Variants in UNC80 observed in about 807,000 individuals in gnomAD.
UNC80 encodes unc-80 subunit of NALCN channel complex, also known as protein unc-80 homolog.
UNC80 carries 164 observed loss-of-function variants against 384.6 expected under a neutral mutation model. The observed-to-expected ratio is 0.43, with a 90% CI of 0.38 to 0.49. The LOEUF is 0.49. UNC80 is among the 20% of genes least tolerant of loss of function. The pLI, the probability that UNC80 is intolerant of heterozygous loss-of-function variation, is 0.00. For synonymous variants in UNC80, 1,486 were observed against 1,527.8 expected, an observed-to-expected ratio of 0.97 and a Z score of 0.64; for missense variants, 3,330 against 4,143.0, an observed-to-expected ratio of 0.80 and a Z score of 5.39.
intron 15 of UNC80, among the ~76,000 whole-genome samples, chr2:209,830,635 T>C (rs1416005966): frequency 6.6e-6 from 1 of 152,174 alleles, no homozygotes; most frequent in Non-Finnish European, 1.5e-5. Flanking sequence ...CTGGTGAATA[T>C]TGGAGCTGCC....
At chr2:209,900,499 A>G (rs2087275662) in intron 28 of UNC80, among the ~76,000 whole-genome samples, 1 of 152,094 alleles carries the variant, frequency 6.6e-6, no homozygotes, top group African/African-American at 2.4e-5. Flanking sequence ...TGCTCCATGG[A>G]CCAGCTGCTT....
At chr2:209,935,936 A>G (rs764586446) in intron 40 of UNC80, 128 bp downstream of exon 40, 1 of 584,154 alleles carries the variant, frequency 1.7e-6, no homozygotes, top group South Asian at 2.3e-5. Context: ...TTACTCTTCT[A>G]AAATCTGCCC....
At chr2:209,992,937 G>T (rs1452802354) in intron 62 of UNC80, among the ~76,000 whole-genome samples, 1 of 152,134 alleles carries the variant, frequency 6.6e-6, no homozygotes, top group Non-Finnish European at 1.5e-5. Context: ...CCAGGCACTT[G>T]GCCAGCATCT....
In UNC80 at chr2:209,888,145, A is replaced by T. The variant is rs959056070; in HGVS notation, c.4161A>T (p.Arg1387Ser). The T allele has an allele frequency of 7.7e-6, 12 of 1,551,598 alleles. No individual in the cohort carries two copies. The highest frequency in any genetic ancestry group is 1.0e-5 in the Non-Finnish European group (12 of 1,147,006). The change falls in exon 26 of 65, where the codon AGA becomes AGT. Residue 1387 changes from arginine (R) to serine (S), a missense_variant. Arg to Ser is a moderately radical substitution (Grantham distance 110). Transcript: ENST00000673920. ...LRLDPELDRH[R>S]YERKISFAGV... ...TGGATCCCGAGTTGGACCGGCACAG[A>T]TATGAGAGGAAGATCAGCTTTGCTG...
At chr2:209,933,725 G>A in intron 38 of UNC80, 97 bp from the exon 39 acceptor site, 1 of 1,101,130 alleles carries the variant, frequency 9.1e-7, no homozygotes, top group South Asian at 1.7e-5. Flanking sequence ...TGAAGGCACA[G>A]AAGAAGGTCG....
intron 52 of UNC80, chr2:209,968,942 C>G (rs183553532): frequency 6.6e-6 from 1 of 152,158 alleles, no homozygotes; most frequent in Non-Finnish European, 1.5e-5. Context: ...GTTGACTGAA[C>G]CTGACCTGCA....
intron 35 of UNC80, among the ~76,000 whole-genome samples, chr2:209,923,662 C>G (rs537866372): frequency 6.6e-6 from 1 of 152,174 alleles, no homozygotes; most frequent in South Asian, 2.1e-4. Flanking sequence ...GTCATTATAA[C>G]ATGCTCTGTT....
intron 55 of UNC80, 83 bp from the exon 56 acceptor site, chr2:209,972,981 C>T (rs2092921703): frequency 1.6e-5 from 21 of 1,308,262 alleles, no homozygotes; most frequent in Non-Finnish European, 2.2e-5. Context: ...TTGGAAAGAG[C>T]TGAGTTTTTC....
At chr2:209,877,866 T>C in intron 23 of UNC80, 88 bp from the exon 24 acceptor site, 1 of 1,329,420 alleles carries the variant, frequency 7.5e-7, no homozygotes, top group Non-Finnish European at 9.9e-7. Flanking sequence ...TTCTCATTAA[T>C]TGGTTGCTTA....
At chr2:209,948,997 C>T (rs1238176371) in intron 47 of UNC80, among the ~76,000 whole-genome samples, 1 of 151,982 alleles carries the variant, frequency 6.6e-6, no homozygotes, top group African/African-American at 2.4e-5. Context: ...TGATAGGTTA[C>T]ACTGATTTAT....
chr2:209,920,174 A>G (rs558917811), intron 33 of UNC80, among the ~76,000 whole-genome samples: 2 of 152,234 alleles, frequency 1.3e-5, no homozygotes, highest in South Asian at 4.1e-4. Flanking sequence ...CATCTCAAAA[A>G]GAAAAAAAAA....
In UNC80 at chr2:209,845,737, C is replaced by T. The variant is rs76613248; in HGVS notation, c.3454+3291C>T. On this transcript the variant is annotated intron_variant, in intron 21 of 64. Coordinates refer to ENST00000673920, the MANE Select transcript of UNC80 (RefSeq NM_001371986.1). ...TATATCACTATTCTTTGCCTATGTT[C>T]TCTTGCTTTTTAAAAATTATAAAAA... 9.3e-4 allele frequency among the ~76,000 whole-genome samples: 141 copies of T among 152,236 alleles called. 5 individuals carry two copies. The East Asian group carries it at 0.025, about 27-fold the overall frequency.
chr2:209,801,253 T>G (rs1266882812), intron 7 of UNC80, among the ~76,000 whole-genome samples: 1 of 152,164 alleles, frequency 6.6e-6, no homozygotes, highest in African/African-American at 2.4e-5. Flanking sequence ...TGGGTACATA[T>G]ATATTTAAAA....
Position 209,959,521 on chromosome 2 carries a change from G to A in UNC80, c.7619G>A (p.Gly2540Asp), listed in dbSNP as rs1181060447. 1.3e-6 allele frequency: 2 copies of A among 1,551,660 alleles called. No homozygotes were observed. The highest frequency in any genetic ancestry group is 8.7e-7 in the Non-Finnish European group (1 of 1,146,982). Residue 2540 changes from glycine to aspartate, a missense_variant, in exon 51 of 65, where the codon GGC becomes GAC. Gly to Asp is a moderately conservative substitution (Grantham distance 94). This residue lies in a region of UNC80 where 1,049 missense variants were observed against 1,488.6 expected (regional missense o/e 0.70). Transcript: ENST00000673920. ...CTTCATTTACTGGAGGAAGGGCAAG[G>A]CATTCCCAGAGAGGAACTGGATGAA... ...ENLHLLEEGQ[G>D]IPREELDERI...
At chr2:209,975,351 C>A (rs1575193823) in intron 56 of UNC80, among the ~76,000 whole-genome samples, 1 of 152,132 alleles carries the variant, frequency 6.6e-6, no homozygotes, top group East Asian at 1.9e-4. Flanking sequence ...CTTCACAATA[C>A]TCTGGTTTGT....
At chr2:209,940,797 A>T (rs549968631) in intron 43 of UNC80, among the ~76,000 whole-genome samples, 1 of 152,318 alleles carries the variant, frequency 6.6e-6, no homozygotes, top group East Asian at 1.9e-4. Context: ...AGACAGAACG[A>T]CAGAGCGAGA....
At chr2:209,787,780 A>G (rs192648757) in intron 5 of UNC80, among the ~76,000 whole-genome samples, 22 of 152,272 alleles carry the variant, frequency 1.4e-4, no homozygotes, top group African/African-American at 4.8e-4. Flanking sequence ...TGGTTTATGT[A>G]TTTACTATAC....
At chr2:209,890,321 C>T (rs979476753) in intron 26 of UNC80, among the ~76,000 whole-genome samples, 9 of 152,146 alleles carry the variant, frequency 5.9e-5, no homozygotes, top group African/African-American at 7.2e-5. Context: ...AACTTGCACC[C>T]ATATGAAGTT....
intron 24 of UNC80, among the ~76,000 whole-genome samples, chr2:209,878,484 C>G (rs2084976389): frequency 6.6e-6 from 1 of 151,688 alleles, no homozygotes; most frequent in South Asian, 2.1e-4. Context: ...AAAATCAGAC[C>G]AAATAAAATT....
Sources: allele counts gnomAD v4.1 joint callset (sites outside exome capture counted in the v4.1 genomes callset), GRCh38; gene constraint gnomAD v4.1.1; regional missense constraint gnomAD v4.1.1; transcripts MANE v1.5; gene names NCBI Gene and HGNC (gene_info 2026-07-23, HGNC 2026-07-21).